The following NSUN2 variants were observed in gnomAD, a reference collection of about 807,000 sequenced individuals.
NSUN2 encodes RNA cytosine C(5)-methyltransferase NSUN2.
A neutral mutation model predicts 92.7 loss-of-function variants in NSUN2; 63 were observed. That is an observed-to-expected ratio of 0.68 (90% CI 0.56 to 0.84). The LOEUF is 0.84. Ranked by LOEUF, NSUN2 falls within the 40% of genes least tolerant of loss-of-function variation. NSUN2 has a pLI of 0.00. For synonymous variants in NSUN2, 356 were observed against 348.3 expected (o/e 1.02, Z -0.25); for missense variants, 989 against 964.9 (o/e 1.02, Z -0.33).
At chr5:6,623,764 T>C (rs1326356415) in intron 4 of NSUN2, among the ~76,000 whole-genome samples, 1 of 152,234 alleles carries the variant, frequency 6.6e-6, no homozygotes, top group African/African-American at 2.4e-5. Flanking sequence ...TTCTCATAAC[T>C]ACCTTTCAAA....
At chr5:6,628,113 C>T (rs1218152399) in intron 3 of NSUN2, among the ~76,000 whole-genome samples, 7 of 152,134 alleles carry the variant, frequency 4.6e-5, no homozygotes, top group African/African-American at 1.4e-4. Flanking sequence ...TTTGGGAGAC[C>T]AAGGTGGGCG....
chr5:6,622,173 T>C (rs1737474523), intron 5 of NSUN2, 73 bp from the exon 6 acceptor site: 1 of 1,217,490 alleles, frequency 8.2e-7, no homozygotes, highest in African/African-American at 1.5e-5. Context: ...AAAGCAATTC[T>C]AGTTTTTCAA....
At chr5:6,603,161 G>A (rs1411720818) in intron 17 of NSUN2, among the ~76,000 whole-genome samples, 1 of 152,122 alleles carries the variant, frequency 6.6e-6, no homozygotes, top group Non-Finnish European at 1.5e-5. Context: ...CAAGAATGAA[G>A]ACAACAGAAA....
At chr5:6,630,922 T>C (rs1737859062) in intron 3 of NSUN2, among the ~76,000 whole-genome samples, 1 of 152,022 alleles carries the variant, frequency 6.6e-6, no homozygotes, top group South Asian at 2.1e-4. Flanking sequence ...TAAAAACCCG[T>C]CTCCACTAAA....
At chr5:6,632,120 C>T (rs1737931933) in intron 2 of NSUN2, 143 bp from the exon 3 acceptor site, 1 of 649,060 alleles carries the variant, frequency 1.5e-6, no homozygotes, top group South Asian at 1.9e-5. Context: ...ACTACTTTTA[C>T]ACTGTATGCC....
intron 14 of NSUN2, among the ~76,000 whole-genome samples, chr5:6,606,576 C>T (rs1310442830): frequency 6.6e-6 from 1 of 152,126 alleles, no homozygotes; most frequent in Middle Eastern, 3.4e-3. Context: ...TGAGCCACCG[C>T]GCCCGGTCCA....
chr5:6,611,615 C>G, intron 10 of NSUN2, 110 bp downstream of exon 10: 1 of 783,654 alleles, frequency 1.3e-6, no homozygotes, highest in Non-Finnish European at 2.2e-6. Context: ...TTGGCATAAC[C>G]AGATGTAGTA....
chr5:6,600,248 G>GC lies in NSUN2; in HGVS notation c.1998-17dup, dbSNP rs758069591. On this transcript the variant is annotated splice_polypyrimidine_tract_variant and intron_variant, in intron 18 of 18. Transcript: ENST00000264670. The stretch of plus-strand genomic sequence containing the variant: ...GTCTGGATTCCTACAAGTGAAAGTG[G>GC]CTTCATGTAGAACATTAAACATTCC... The GC allele has an allele frequency of 1.2e-6, 2 of 1,606,450 alleles. No homozygotes were observed. Among genetic ancestry groups the GC allele is most frequent in the Non-Finnish European group, 1.7e-6 (2 of 1,174,818 alleles).
At position 6,625,812 on chromosome 5, in the gene NSUN2, T is replaced by C. The variant is rs574432855; in HGVS notation, c.360-143A>G. The C allele has an allele frequency of 7.8e-6, 5 of 639,228 alleles. No homozygotes were observed. The South Asian group carries it at 9.2e-5, about 12-fold the overall frequency. The allele number at this position is 639,228 out of a possible 1,614,324, so 39.6% of individuals were successfully genotyped here. On this transcript the variant is annotated intron_variant, in intron 3 of 18. Coordinates refer to ENST00000264670, the MANE Select transcript of NSUN2 (RefSeq NM_017755.6). ...CCTATTCACAATCCTCTACGGACAG[T>C]CAGCAACACTCAGAGATGTCGCTGT...
At position 6,600,906 on chromosome 5, in the gene NSUN2, C is replaced by T. The variant is rs1021800804; in HGVS notation, c.1998-674G>A. Among the ~76,000 whole-genome samples, 26 of 152,190 alleles carry T rather than the reference C, an allele frequency of 1.7e-4. 1 individual carries two copies. Among genetic ancestry groups the T allele is most frequent in the Admixed American group, 1.7e-3 (26 of 15,286 alleles). ...CCTGCCTCTCTGAACATGCTCCGAG[C>T]CTCCCTACCTTCCAGGCTCCACCTG... On this transcript the variant is annotated intron_variant, in intron 18 of 18. Coordinates refer to ENST00000264670, the MANE Select transcript of NSUN2 (RefSeq NM_017755.6).
intron 18 of NSUN2, among the ~76,000 whole-genome samples, chr5:6,602,226 T>C (rs1736587322): frequency 6.6e-6 from 1 of 151,934 alleles, no homozygotes; most frequent in Non-Finnish European, 1.5e-5. Flanking sequence ...ATGCATTTTA[T>C]TCTCTGTAAG....
At chr5:6,602,207 A>G (rs1363816925) in intron 18 of NSUN2, among the ~76,000 whole-genome samples, 1 of 152,264 alleles carries the variant, frequency 6.6e-6, no homozygotes, top group African/African-American at 2.4e-5. Context: ...TGCTTAAAAA[A>G]TAAGTACTAT....
chr5:6,632,055 C>A, intron 2 of NSUN2, 78 bp from the exon 3 acceptor site: 1 of 1,210,542 alleles, frequency 8.3e-7, no homozygotes, highest in Non-Finnish European at 1.2e-6. Flanking sequence ...TTTAAGACTG[C>A]AAGTGTTTTA....
chr5:6,632,856 G>A, intron 1 of NSUN2, 28 bp downstream of exon 1: 1 of 1,539,620 alleles, frequency 6.5e-7, no homozygotes, highest in Non-Finnish European at 8.7e-7. Flanking sequence ...AGGAGCCCCT[G>A]GCCCGCCCGC....
chr5:6,616,353 A>G (rs1031030899), intron 9 of NSUN2, among the ~76,000 whole-genome samples: 3 of 152,262 alleles, frequency 2.0e-5, no homozygotes, highest in African/African-American at 7.2e-5. Context: ...CACAGACAAC[A>G]ACACAAGTGA....
Position 6,632,687 on chromosome 5 carries a change from TGA to T in NSUN2, c.164_165del (p.Leu55GlnfsTer45), listed in dbSNP as rs1737976680. On this transcript the variant is annotated frameshift_variant, in exon 2 of 19. Transcript: ENST00000264670. LOFTEE classifies it high-confidence loss of function. ...CCCCACTCGCCCTCGGGCACGATCT[TGA>T]GCTCCTGGTAGTAGTGCTCGAACAG... The part of the protein sequence containing the change: ...NKLFEHYYQE[L>X]KIVPEGEWGQ... The T allele has an allele frequency of 6.2e-7, 1 of 1,613,254 alleles. No homozygotes were observed. Among genetic ancestry groups the T allele is most frequent in the Non-Finnish European group, 8.5e-7 (1 of 1,179,406 alleles).
rs150809074 is a variant in NSUN2, at chr5:6,632,932, C to T, written c.48G>A (p.Pro16=). The T allele has an allele frequency of 9.0e-5, 136 of 1,511,266 alleles. No homozygotes were observed. Among genetic ancestry groups the T allele is most frequent in the Non-Finnish European group, 1.1e-4 (129 of 1,137,128 alleles). The allele number at this position is 1,511,266 out of a possible 1,614,324, so 93.6% of individuals were successfully genotyped here. ...CCTCGGCGCCATCCTCCGCGTCCTCCGGCCGCTGCTGTTGCTGGAGCCGCC... is the reference window on the plus strand; with the variant it reads ...CCTCGGCGCCATCCTCCGCGTCCTCTGGCCGCTGCTGTTGCTGGAGCCGCC... ...RGRRLQQQQR[P]EDAEDGAEGG... is the part of the protein sequence containing the mutation. The change falls in exon 1 of 19, where the codon CCG becomes CCA. Residue 16 remains proline (P), a synonymous_variant. Coordinates refer to ENST00000264670, the MANE Select transcript of NSUN2 (RefSeq NM_017755.6).
chr5:6,623,366 A>G, intron 4 of NSUN2, 81 bp from the exon 5 acceptor site: 1 of 1,257,372 alleles, frequency 8.0e-7, no homozygotes, highest in Admixed American at 2.4e-5. Flanking sequence ...CATTGTTTCA[A>G]AGGCAACAGG....
chr5:6,614,124 C>CCCCCCCCCCT (rs543325766), intron 9 of NSUN2, among the ~76,000 whole-genome samples: 1 of 73,198 alleles, frequency 1.4e-5, no homozygotes. Context: ...AAAAAAAAAC[C>CCCCCCCCCCT]CACAACACAC....
Sources: gnomAD v4.1 joint callset for allele counts (sites outside exome capture counted in the v4.1 genomes callset) on GRCh38, gnomAD v4.1.1 for gene constraint, MANE v1.5 for transcripts, NCBI Gene and HGNC (gene_info 2026-07-23, HGNC 2026-07-21) for gene names.